The following ZMAT4 variants were observed in gnomAD, a reference collection of about 807,000 sequenced individuals.
ZMAT4 encodes the protein zinc finger matrin-type protein 4.
ZMAT4 carries 17 observed loss-of-function variants against 28.7 expected under a neutral mutation model. The observed-to-expected ratio is 0.59, with a 90% confidence interval of 0.41 to 0.89. ZMAT4 has a LOEUF of 0.89. Ranked by LOEUF, ZMAT4 falls within the 40% of genes least tolerant of loss-of-function variation. ZMAT4 has a pLI of 0.00. For missense variants in ZMAT4, 240 were observed against 283.8 expected, an observed-to-expected ratio of 0.85 and a Z score of 1.11; for synonymous variants, 117 against 109.2, an observed-to-expected ratio of 1.07 and a Z score of -0.44.
intron 4 of ZMAT4, among the ~76,000 whole-genome samples, chr8:40,683,301 A>C (rs1455088994): frequency 6.6e-6 from 1 of 152,194 alleles, no homozygotes; most frequent in Non-Finnish European, 1.5e-5. Flanking sequence ...ATTTCCCTGT[A>C]GTATACTCAT....
intron 3 of ZMAT4, among the ~76,000 whole-genome samples, chr8:40,736,312 C>G (rs759980506): frequency 5.9e-5 from 9 of 152,132 alleles, no homozygotes; most frequent in Non-Finnish European, 1.0e-4. Context: ...GAGGAGGGAC[C>G]CTGTTGGCCA....
intron 5 of ZMAT4, among the ~76,000 whole-genome samples, chr8:40,606,154 C>G (rs1017139798): frequency 6.6e-6 from 1 of 152,122 alleles, no homozygotes; most frequent in Non-Finnish European, 1.5e-5. Flanking sequence ...TTTAGTGGAG[C>G]ATTTAGGCCA....
intron 3 of ZMAT4, among the ~76,000 whole-genome samples, chr8:40,701,706 T>C (rs535071756): frequency 5.5e-4 from 83 of 151,680 alleles, no homozygotes; most frequent in African/African-American, 1.8e-3. Context: ...TTAGTAGAGA[T>C]GGGGTTTCAC....
chr8:40,598,945 G>C (rs1370544636), intron 5 of ZMAT4, among the ~76,000 whole-genome samples: 1 of 152,124 alleles, frequency 6.6e-6, no homozygotes, highest in Non-Finnish European at 1.5e-5. Flanking sequence ...GGAGGAGTTT[G>C]ACTGCAAAAT....
intron 6 of ZMAT4, among the ~76,000 whole-genome samples, chr8:40,546,275 G>T (rs1035181153): frequency 7.2e-6 from 1 of 138,490 alleles, no homozygotes; most frequent in Non-Finnish European, 1.6e-5. Flanking sequence ...CCTATTTAAA[G>T]AAACCACAGG....
At chr8:40,770,265 C>A (rs960320825) in intron 2 of ZMAT4, among the ~76,000 whole-genome samples, 1 of 152,208 alleles carries the variant, frequency 6.6e-6, no homozygotes, top group Non-Finnish European at 1.5e-5. Flanking sequence ...CCCACAACTT[C>A]CAGCAGGAAG....
At chr8:40,801,402 T>A (rs1814841704) in intron 2 of ZMAT4, among the ~76,000 whole-genome samples, 1 of 145,634 alleles carries the variant, frequency 6.9e-6, no homozygotes, top group South Asian at 2.1e-4. Flanking sequence ...GTGCGGTGGC[T>A]CACGCCTGTA....
intron 1 of ZMAT4, among the ~76,000 whole-genome samples, chr8:40,882,710 TC>T (rs879392189): frequency 5.3e-5 from 8 of 151,138 alleles, no homozygotes; most frequent in South Asian, 2.1e-4. Context: ...CTCCATCTAA[TC>T]CCCCCCCATG....
intron 1 of ZMAT4, among the ~76,000 whole-genome samples, chr8:40,883,427 C>T (rs552453053): frequency 1.3e-5 from 2 of 152,290 alleles, no homozygotes; most frequent in South Asian, 2.1e-4. Flanking sequence ...GAACCCCTCT[C>T]CAGGAAGTCT....
Position 40,751,856 on chromosome 8 carries a change from G to T in ZMAT4, c.192+15785C>A, listed in dbSNP as rs1441092135. 2.6e-5 allele frequency among the ~76,000 whole-genome samples: 4 copies of T among 152,170 alleles called. No homozygotes were observed. In the South Asian group the frequency reaches 8.3e-4, roughly 32 times the overall value. ...AAATTATAATTGTTTCAAAGAAAAA[G>T]AATAGGGCAGTATTATGAAAATATG... On this transcript the variant is annotated intron_variant, in intron 3 of 6. Coordinates refer to ENST00000297737, the MANE Select transcript of ZMAT4 (RefSeq NM_024645.3).
intron 5 of ZMAT4, among the ~76,000 whole-genome samples, chr8:40,647,117 T>C (rs999077196): frequency 9.9e-5 from 15 of 151,984 alleles, no homozygotes; most frequent in African/African-American, 3.6e-4. Context: ...GCTCCCAGCG[T>C]GAGCGACGCA....
intron 2 of ZMAT4, among the ~76,000 whole-genome samples, chr8:40,776,152 C>A (rs886497190): frequency 2.0e-5 from 3 of 152,224 alleles, no homozygotes; most frequent in African/African-American, 7.2e-5. Context: ...ACTAGATGTT[C>A]TCCTGGGGTC....
intron 1 of ZMAT4, among the ~76,000 whole-genome samples, chr8:40,830,734 G>A (rs1737410668): frequency 1.3e-5 from 2 of 152,148 alleles, no homozygotes; most frequent in African/African-American, 4.8e-5. Flanking sequence ...CATTTCTGAT[G>A]GTGCTGAAAT....
intron 3 of ZMAT4, among the ~76,000 whole-genome samples, chr8:40,723,290 C>A (rs1811181549): frequency 6.6e-6 from 1 of 152,028 alleles, no homozygotes; most frequent in South Asian, 2.1e-4. Context: ...CGCCTGTAAT[C>A]CCAACACTTT....
intron 5 of ZMAT4, among the ~76,000 whole-genome samples, chr8:40,640,778 G>T (rs1806987963): frequency 6.6e-6 from 1 of 151,830 alleles, no homozygotes; most frequent in South Asian, 2.1e-4. Context: ...TAGCCAACAT[G>T]GTGAAACTCC....
At chr8:40,680,140 C>CA (rs1809092280) in intron 4 of ZMAT4, among the ~76,000 whole-genome samples, 1 of 152,328 alleles carries the variant, frequency 6.6e-6, no homozygotes, top group South Asian at 2.1e-4. Flanking sequence ...ATTATTCCCC[C>CA]AAACTTATAT....
chr8:40,539,882 A>C (rs1802972168), intron 6 of ZMAT4, among the ~76,000 whole-genome samples: 1 of 152,230 alleles, frequency 6.6e-6, no homozygotes, highest in Non-Finnish European at 1.5e-5. Context: ...GGTGACTCAT[A>C]GTGAGTCCCT....
intron 1 of ZMAT4, among the ~76,000 whole-genome samples, chr8:40,876,431 G>T (rs964169460): frequency 6.6e-6 from 1 of 152,104 alleles, no homozygotes; most frequent in Admixed American, 6.6e-5. Context: ...TCCTACCTCA[G>T]CTTCCCCAGT....
intron 4 of ZMAT4, among the ~76,000 whole-genome samples, chr8:40,688,953 T>A: frequency 6.6e-6 from 1 of 152,178 alleles, no homozygotes; most frequent in East Asian, 1.9e-4. Flanking sequence ...GGGATCTGAA[T>A]GTCAAAGAGG....
Sources: allele counts gnomAD v4.1 joint callset (sites outside exome capture counted in the v4.1 genomes callset), GRCh38; gene constraint gnomAD v4.1.1; transcripts MANE v1.5; gene names NCBI Gene and HGNC (gene_info 2026-07-23, HGNC 2026-07-21).